CTBP2: variants seen among roughly 807,000 people sequenced by gnomAD.
CTBP2 encodes C-terminal-binding protein 2.
A neutral mutation model predicts 80.3 loss-of-function variants in CTBP2; 30 were observed. The observed-to-expected ratio is 0.37, with a 90% confidence interval of 0.28 to 0.51. The LOEUF (loss-of-function observed/expected upper bound fraction) is 0.51. CTBP2 is among the 20% of genes least tolerant of loss of function. The probability of loss-of-function intolerance (pLI) is 0.93; values close to 1 mark genes in which losing one functional copy is unlikely to be tolerated. For synonymous variants in CTBP2, 594 were observed against 587.4 expected, an observed-to-expected ratio of 1.01 and a Z score of -0.16; for missense variants, 1,212 against 1,375.3, an observed-to-expected ratio of 0.88 and a Z score of 1.88.
In CTBP2 at chr10:125,018,737, C is replaced by T. The variant is rs550925083; in HGVS notation, c.1678+7345G>A. Among the ~76,000 whole-genome samples the T allele has an allele frequency of 3.9e-5, 6 of 152,348 alleles. No homozygotes were observed. The South Asian group carries it at 6.2e-4, about 16-fold the overall frequency. On this transcript the variant is annotated intron_variant, in intron 1 of 8. Transcript: ENST00000309035. ...GGGTAGGTGCACCCCACCAGCCCTG[C>T]GGAGGCACCGTGTTCATATCTAGCT...
chr10:125,059,153 C>T (rs552957628), intron 2 of CTBP2, among the ~76,000 whole-genome samples: 2 of 152,040 alleles, frequency 1.3e-5, no homozygotes, highest in South Asian at 2.1e-4. Flanking sequence ...GGGTGGGAGG[C>T]GTGTTTAAGT....
intron 1 of CTBP2, among the ~76,000 whole-genome samples, chr10:125,014,067 G>T (rs1956220480): frequency 6.6e-6 from 1 of 152,180 alleles, no homozygotes; most frequent in African/African-American, 2.4e-5. Context: ...CAGCCTAAAA[G>T]AGACGTCATC....
chr10:125,098,722 GACAGAGAGAGAGAGAGAGAGAGAGAGAC>G (rs1564914285), intron 2 of CTBP2, among the ~76,000 whole-genome samples: 16 of 105,514 alleles, frequency 1.5e-4, no homozygotes, highest in East Asian at 6.2e-4. Flanking sequence ...GAGAGAGAGA[GACAGAGAGAGAGAGAGAGAGAGAGAGAC>G]AGAGAGAGAG....
intron 6 of CTBP2, among the ~76,000 whole-genome samples, chr10:124,993,567 G>C (rs1326592297): frequency 6.6e-6 from 1 of 152,174 alleles, no homozygotes; most frequent in Non-Finnish European, 1.5e-5. Flanking sequence ...GGCTTGTCCT[G>C]CTGTAATCCA....
chr10:125,047,213 T>A (rs1183322242), intron 2 of CTBP2, among the ~76,000 whole-genome samples: 2 of 152,202 alleles, frequency 1.3e-5, no homozygotes, highest in Non-Finnish European at 2.9e-5. Flanking sequence ...AAATGACACC[T>A]CTTATTCCTG....
At chr10:125,042,654 A>C (rs1960174792) in intron 2 of CTBP2, among the ~76,000 whole-genome samples, 1 of 152,102 alleles carries the variant, frequency 6.6e-6, no homozygotes, top group Admixed American at 6.6e-5. Context: ...GTGATGTCCC[A>C]GAGTGGCAGT....
chr10:124,994,735 C>T (rs754230110), intron 4 of CTBP2, 52 bp from the exon 7 acceptor site: 40 of 1,563,422 alleles, frequency 2.6e-5, no homozygotes, highest in South Asian at 8.9e-5. Flanking sequence ...CGCGCCCCAG[C>T]GCTGCCACCT....
chr10:125,057,974 G>T lies in CTBP2; in HGVS notation c.-101-18819C>A, dbSNP rs935729421. ...CCAGGCTCAGGGCCGTGGCAGGAAT[G>T]AGGCCTGGTGCTTTCATGCCATCAA... On this transcript the variant is annotated intron_variant, in intron 2 of 10. Transcript: ENST00000337195. Among the ~76,000 whole-genome samples, 17 of 152,304 alleles carry T rather than the reference G, an allele frequency of 1.1e-4. No homozygotes were observed. The East Asian group carries it at 2.1e-3, about 19-fold the overall frequency.
intron 1 of CTBP2, among the ~76,000 whole-genome samples, chr10:125,007,710 A>T (rs1442038355): frequency 6.6e-6 from 1 of 152,152 alleles, no homozygotes; most frequent in Admixed American, 6.5e-5. Flanking sequence ...CTGCCACACA[A>T]AGCTGCCTGC....
intron 2 of CTBP2, among the ~76,000 whole-genome samples, chr10:125,042,722 G>C (rs1165387629): frequency 6.6e-6 from 1 of 151,794 alleles, no homozygotes; most frequent in Non-Finnish European, 1.5e-5. Flanking sequence ...GCAGGTCTCT[G>C]TGAGCTGCTC....
chr10:125,120,174 G>A (rs1854083692), intron 1 of CTBP2, among the ~76,000 whole-genome samples: 1 of 152,196 alleles, frequency 6.6e-6, no homozygotes, highest in Admixed American at 6.5e-5. Context: ...CGGGAAAGAG[G>A]CACAGCCAAA....
intron 2 of CTBP2, among the ~76,000 whole-genome samples, chr10:125,064,849 T>A (rs577533577): frequency 6.6e-6 from 1 of 152,348 alleles, no homozygotes; most frequent in East Asian, 1.9e-4. Flanking sequence ...GAAACCTTTC[T>A]GGTTTGGTGA....
chr10:125,049,470 C>A (rs1013297075), intron 2 of CTBP2, among the ~76,000 whole-genome samples: 1 of 152,228 alleles, frequency 6.6e-6, no homozygotes, highest in Non-Finnish European at 1.5e-5. Flanking sequence ...CGCCTCTCCA[C>A]CTTCTCTTCA....
At chr10:125,083,651 T>C (rs1284074292) in intron 2 of CTBP2, among the ~76,000 whole-genome samples, 1 of 151,826 alleles carries the variant, frequency 6.6e-6, no homozygotes, top group Non-Finnish European at 1.5e-5. Context: ...TTGTTTGTTT[T>C]AAGGCAGGAT....
intron 2 of CTBP2, among the ~76,000 whole-genome samples, chr10:125,078,434 A>G (rs1384538639): frequency 6.6e-6 from 1 of 152,176 alleles, no homozygotes; most frequent in East Asian, 1.9e-4. Flanking sequence ...GGTCTTATCA[A>G]TTATTATTGA....
At chr10:125,040,454 TAAAAAAAAAAAAAA>T (rs747855375) in intron 2 of CTBP2, among the ~76,000 whole-genome samples, 4 of 104,450 alleles carry the variant, frequency 3.8e-5, no homozygotes, top group African/African-American at 8.0e-5. Context: ...ACTCTGTCTT[TAAAAAAAAAAAAAA>T]AAAAAAAAAG....
intron 1 of CTBP2, among the ~76,000 whole-genome samples, chr10:125,146,867 C>T (rs1480521356): frequency 6.6e-6 from 1 of 152,160 alleles, no homozygotes; most frequent in Non-Finnish European, 1.5e-5. Flanking sequence ...CTAGTGGGTG[C>T]TCAGTCAGTA....
intron 2 of CTBP2, among the ~76,000 whole-genome samples, chr10:125,108,334 C>T (rs1253748256): frequency 1.3e-5 from 2 of 152,300 alleles, no homozygotes; most frequent in African/African-American, 4.8e-5. Context: ...AAAGAAAATA[C>T]TAAGAGGGCA....
At chr10:125,120,583 C>T (rs1195186799) in intron 1 of CTBP2, among the ~76,000 whole-genome samples, 1 of 152,136 alleles carries the variant, frequency 6.6e-6, no homozygotes, top group Non-Finnish European at 1.5e-5. Flanking sequence ...GACAGGGTTT[C>T]GCCACGTTGG....
Sources: gnomAD v4.1 joint callset for allele counts (sites outside exome capture counted in the v4.1 genomes callset) on GRCh38, gnomAD v4.1.1 for gene constraint, MANE v1.5 for transcripts, NCBI Gene and HGNC (gene_info 2026-07-23, HGNC 2026-07-21) for gene names.